The following GKAP1 variants were observed in gnomAD, a reference collection of about 807,000 sequenced individuals.
GKAP1 encodes the protein G kinase anchoring protein 1.
Under a neutral mutation model 56.7 loss-of-function variants are expected in GKAP1, and 31 were observed. The ratio of observed to expected loss-of-function variants is 0.55; its 90% CI spans 0.41 to 0.74. The LOEUF (loss-of-function observed/expected upper bound fraction) is 0.74, where lower values mean the gene tolerates loss of function less well. Ranked by LOEUF, GKAP1 falls within the 30% of genes least tolerant of loss-of-function variation. The pLI, the probability that GKAP1 is intolerant of heterozygous loss-of-function variation, is 0.00. For synonymous variants in GKAP1, 151 were observed against 138.6 expected (o/e 1.09, Z -0.63); for missense variants, 364 against 402.3 (o/e 0.90, Z 0.82).
intron 8 of GKAP1, among the ~76,000 whole-genome samples, chr9:83,754,383 G>A (rs1201440339): frequency 6.6e-6 from 1 of 152,132 alleles, no homozygotes; most frequent in African/African-American, 2.4e-5. Context: ...GGAGTAATGT[G>A]GCAACATCAA....
At chr9:83,782,570 C>G (rs1353021226) in intron 6 of GKAP1, among the ~76,000 whole-genome samples, 3 of 150,934 alleles carry the variant, frequency 2.0e-5, no homozygotes, top group Non-Finnish European at 4.4e-5. Flanking sequence ...GTTGGCCAGG[C>G]TGGTCTCAAA....
At chr9:83,748,403 T>C (rs1943330002) in intron 9 of GKAP1, 31 bp from the exon 10 acceptor site, 1 of 1,299,472 alleles carries the variant, frequency 7.7e-7, no homozygotes, top group African/African-American at 1.5e-5. Flanking sequence ...ATTTAGTTTT[T>C]TTAAAAGTAA....
chr9:83,788,272 G>A (rs904906896), intron 5 of GKAP1, among the ~76,000 whole-genome samples: 33 of 152,040 alleles, frequency 2.2e-4, no homozygotes, highest in Middle Eastern at 6.8e-3. Flanking sequence ...AGTGAGACTC[G>A]GTCCCAAGAA....
At chr9:83,741,360 TCA>T (rs35325635) in intron 12 of GKAP1, among the ~76,000 whole-genome samples, 396 of 48,514 alleles carry the variant, frequency 8.2e-3, no homozygotes, top group Middle Eastern at 0.026. Flanking sequence ...AATATATCTC[TCA>T]CACACACACA....
At chr9:83,804,384 CGGGA>C (rs1944394333) in intron 3 of GKAP1, among the ~76,000 whole-genome samples, 2 of 134,830 alleles carry the variant, frequency 1.5e-5, no homozygotes, top group African/African-American at 2.8e-5. Context: ...CCGCCCCGTC[CGGGA>C]GGGAGGTGGG....
At chr9:83,754,441 A>G (rs10868054) in intron 8 of GKAP1, among the ~76,000 whole-genome samples, 85,721 of 152,056 alleles carry the variant, frequency 0.56, 24,778 homozygotes, top group Admixed American at 0.7. Context: ...CTAGGAGCTG[A>G]GTACACCATG....
chr9:83,798,707 G>C (rs1944285764), intron 4 of GKAP1, among the ~76,000 whole-genome samples: 1 of 151,984 alleles, frequency 6.6e-6, no homozygotes, highest in African/African-American at 2.4e-5. Context: ...GTAGACAAAG[G>C]GTTTTGCTCT....
At chr9:83,772,948 G>A (rs568817823) in intron 7 of GKAP1, among the ~76,000 whole-genome samples, 2 of 152,294 alleles carry the variant, frequency 1.3e-5, no homozygotes, top group South Asian at 2.1e-4. Flanking sequence ...GCAAGGATGC[G>A]TAGGAGCTAG....
intron 6 of GKAP1, among the ~76,000 whole-genome samples, chr9:83,782,202 T>G (rs538057269): frequency 6.6e-6 from 1 of 151,930 alleles, no homozygotes; most frequent in Admixed American, 6.6e-5. Flanking sequence ...TAGAGTGCAC[T>G]GGCATGATCA....
chr9:83,788,041 G>T (rs908802935), intron 5 of GKAP1, among the ~76,000 whole-genome samples: 4 of 152,178 alleles, frequency 2.6e-5, no homozygotes, highest in African/African-American at 9.7e-5. Context: ...ACTTTGGGAG[G>T]CCAAGGTGGG....
intron 7 of GKAP1, 79 bp from the exon 8 acceptor site, chr9:83,769,049 G>C (rs925690286): frequency 9.1e-7 from 1 of 1,101,442 alleles, no homozygotes; most frequent in African/African-American, 1.6e-5. Context: ...ACCACAAGAA[G>C]GGATATGCAT....
chr9:83,753,085 A>AC (rs1564190404), intron 9 of GKAP1, among the ~76,000 whole-genome samples, 173 bp downstream of exon 9: 7 of 149,322 alleles, frequency 4.7e-5, no homozygotes, highest in East Asian at 2.0e-4. Context: ...CAACAACATA[A>AC]ATAAATAAAT....
At chr9:83,749,137 A>C (rs1407583305) in intron 9 of GKAP1, 1 of 152,078 alleles carries the variant, frequency 6.6e-6, no homozygotes, top group African/African-American at 2.4e-5. Context: ...TTGTGTTCCC[A>C]CATTAACATC....
chr9:83,758,729 C>CA (rs1451031250), intron 8 of GKAP1, among the ~76,000 whole-genome samples: 7 of 149,416 alleles, frequency 4.7e-5, no homozygotes, highest in Non-Finnish European at 1.0e-4. Context: ...AGCCAGGTGA[C>CA]AGAGACTCCA....
intron 9 of GKAP1, chr9:83,748,594 GA>G: frequency 3.6e-6 from 1 of 279,732 alleles, no homozygotes; most frequent in Non-Finnish European, 6.6e-6. Context: ...AAAATTAAAG[GA>G]GAGAGGGATA....
At chr9:83,784,550 C>T (rs544771138) in intron 6 of GKAP1, among the ~76,000 whole-genome samples, 165 bp downstream of exon 6, 1 of 152,308 alleles carries the variant, frequency 6.6e-6, no homozygotes, top group South Asian at 2.1e-4. Context: ...TACTCTGTTA[C>T]AGCAGTACAA....
chr9:83,784,630 T>G (rs1944033229), intron 6 of GKAP1, 85 bp downstream of exon 6: 3 of 1,003,832 alleles, frequency 3.0e-6, no homozygotes, highest in Non-Finnish European at 4.2e-6. Context: ...ACTTATTGTT[T>G]AAAAATTAGA....
At chr9:83,746,145 T>A (rs1000846127) in intron 10 of GKAP1, among the ~76,000 whole-genome samples, 16 of 152,186 alleles carry the variant, frequency 1.1e-4, no homozygotes, top group Admixed American at 5.2e-4. Flanking sequence ...ATAAAAAATA[T>A]AAGGTTGAAC....
intron 3 of GKAP1, among the ~76,000 whole-genome samples, chr9:83,801,396 G>GGT (rs1554746172): frequency 4.8e-3 from 244 of 50,890 alleles, no homozygotes; most frequent in South Asian, 0.024. Context: ...CCAAGTTTGT[G>GGT]TTTTTTTTTT....
Sources: allele counts gnomAD v4.1 joint callset (sites outside exome capture counted in the v4.1 genomes callset), GRCh38; gene constraint gnomAD v4.1.1; transcripts MANE v1.5; gene names NCBI Gene and HGNC (gene_info 2026-07-23, HGNC 2026-07-21).